SDC1: variants seen among roughly 807,000 people sequenced by gnomAD.
The protein encoded by SDC1 is syndecan-1.
Under a neutral mutation model 29.7 loss-of-function variants are expected in SDC1, and 14 were observed. The ratio of observed to expected loss-of-function variants is 0.47; its 90% confidence interval spans 0.31 to 0.74. The LOEUF (loss-of-function observed/expected upper bound fraction) is 0.74. SDC1 is among the 30% of genes least tolerant of loss of function. The pLI, the probability that SDC1 is intolerant of heterozygous loss-of-function variation, is 0.05. For synonymous variants in SDC1, 204 were observed against 175.5 expected, an observed-to-expected ratio of 1.16 and a Z score of -1.29; for missense variants, 406 against 400.3, an observed-to-expected ratio of 1.01 and a Z score of -0.12.
chr2:20,202,411 T>A lies in SDC1; in HGVS notation c.*355A>T. On this transcript the variant is annotated 3_prime_UTR_variant, in exon 5 of 5. Transcript: ENST00000254351. Reference sequence around the variant, plus strand: ...CCACCCGCAGGATCTTCCAGCCACATGAGGCCATTTAGGTCCAAAGCAGTC... The same window carrying A: ...CCACCCGCAGGATCTTCCAGCCACAAGAGGCCATTTAGGTCCAAAGCAGTC... 1 of 670,716 alleles carries A rather than the reference T, an allele frequency of 1.5e-6. No individual in the cohort carries two copies. The highest frequency in any genetic ancestry group is 2.7e-6 in the Non-Finnish European group (1 of 367,510). The allele number at this position is 670,716 out of a possible 1,614,324, so 41.5% of individuals were successfully genotyped here.
At chr2:20,205,934 T>C (rs987394496) in intron 1 of SDC1, among the ~76,000 whole-genome samples, 3 of 152,074 alleles carry the variant, frequency 2.0e-5, no homozygotes, top group Non-Finnish European at 2.9e-5. Flanking sequence ...CCTCCAGGCA[T>C]GCTGGCCCCC....
Position 20,224,775 on chromosome 2 carries a change from C to T in SDC1, c.66+27G>A. 1 of 1,304,274 alleles carries T rather than the reference C, an allele frequency of 7.7e-7. No homozygotes were observed. Among genetic ancestry groups the T allele is most frequent in the Non-Finnish European group, 9.7e-7 (1 of 1,025,768 alleles). 80.8% of individuals were successfully genotyped at this position (1,304,274 alleles called of 1,614,324 possible). ...GACCAGTCCCGGCTTCCCGCCGCCTCCCCGCCTGGCCGCCGGCCGCACTCA... is the reference window on the plus strand; with the variant it reads ...GACCAGTCCCGGCTTCCCGCCGCCTTCCCGCCTGGCCGCCGGCCGCACTCA... On this transcript the variant is annotated intron_variant, in intron 1 of 4. Transcript: ENST00000254351. The surrounding 1 kb of genome is among the most constrained non-coding windows in gnomAD (Gnocchi z 4.9).
At chr2:20,223,878 C>T (rs1677903601) in intron 1 of SDC1, among the ~76,000 whole-genome samples, 1 of 152,190 alleles carries the variant, frequency 6.6e-6, no homozygotes. Context: ...AAGGTGGATG[C>T]TGCATCCCAC....
intron 1 of SDC1, among the ~76,000 whole-genome samples, chr2:20,208,947 C>T (rs1677373531): frequency 6.6e-6 from 1 of 152,238 alleles, no homozygotes; most frequent in Non-Finnish European, 1.5e-5. Context: ...CCTTCCCCAC[C>T]CACAGCGCAG....
At chr2:20,205,640 G>A (rs1206244147) in intron 1 of SDC1, among the ~76,000 whole-genome samples, 1 of 152,176 alleles carries the variant, frequency 6.6e-6, no homozygotes, top group Non-Finnish European at 1.5e-5. Context: ...CTGGTACTGG[G>A]TGCAGGGCTG....
At chr2:20,203,750 T>A (rs1677130195) in intron 3 of SDC1, 63 bp downstream of exon 3, 2 of 1,227,484 alleles carry the variant, frequency 1.6e-6, no homozygotes, top group Non-Finnish European at 2.3e-6. Flanking sequence ...GTGTAGGGCC[T>A]GCCAAGTGCC....
chr2:20,209,911 G>A (rs549591203), intron 1 of SDC1, among the ~76,000 whole-genome samples: 2 of 152,378 alleles, frequency 1.3e-5, no homozygotes, highest in East Asian at 3.9e-4. Flanking sequence ...GCTAACCCGA[G>A]AGGTTGCCCA....
chr2:20,202,632 A>G lies in SDC1; in HGVS notation c.*134T>C, dbSNP rs1677057286. ...CAGCACACCCCACGACTCCGTGGGCAGGAGCGACCAGAGGGGCTGGAATGC... is the reference window on the plus strand; with the variant it reads ...CAGCACACCCCACGACTCCGTGGGCGGGAGCGACCAGAGGGGCTGGAATGC... On this transcript the variant is annotated 3_prime_UTR_variant, in exon 5 of 5. Coordinates refer to ENST00000254351, the MANE Select transcript of SDC1 (RefSeq NM_002997.5). 5 of 854,526 alleles carry G rather than the reference A, an allele frequency of 5.9e-6. No homozygotes were observed. The Admixed American group carries it at 1.2e-4, about 20-fold the overall frequency. The allele number at this position is 854,526 out of a possible 1,614,324, so 52.9% of individuals were successfully genotyped here. A position where few individuals can be genotyped will look rare whatever the true frequency, so the allele number is the denominator to read the frequency against.
intron 1 of SDC1, among the ~76,000 whole-genome samples, chr2:20,223,623 G>A (rs1677893209): frequency 6.6e-6 from 1 of 152,190 alleles, no homozygotes; most frequent in Admixed American, 6.5e-5. Flanking sequence ...GGCGAACTCG[G>A]GCGGCAGACT....
At chr2:20,211,952 C>G (rs1334624896) in intron 1 of SDC1, among the ~76,000 whole-genome samples, 1 of 152,244 alleles carries the variant, frequency 6.6e-6, no homozygotes, top group Non-Finnish European at 1.5e-5. Context: ...GAGCAAGGGT[C>G]TCTGGGAAAG....
intron 1 of SDC1, among the ~76,000 whole-genome samples, chr2:20,206,020 C>G: frequency 6.6e-6 from 1 of 152,234 alleles, no homozygotes; most frequent in East Asian, 1.9e-4. Flanking sequence ...TGAGGCAGGT[C>G]TGCCCACACA....
intron 1 of SDC1, among the ~76,000 whole-genome samples, chr2:20,214,190 G>A (rs1481015944): frequency 6.6e-6 from 1 of 152,206 alleles, no homozygotes; most frequent in African/African-American, 2.4e-5. Flanking sequence ...ACCCAGGAAA[G>A]GAGGAAGAAA....
intron 1 of SDC1, among the ~76,000 whole-genome samples, chr2:20,214,587 C>T (rs1677574902): frequency 1.3e-5 from 2 of 152,216 alleles, no homozygotes; most frequent in South Asian, 4.1e-4. Flanking sequence ...CTAGCCCTCT[C>T]AGCCTCTGCA....
In SDC1 at chr2:20,203,926, G is replaced by T; in HGVS notation, c.514C>A (p.Gln172Lys). The T allele has an allele frequency of 1.2e-6, 2 of 1,614,036 alleles. No individual in the cohort carries two copies. Among genetic ancestry groups the T allele is most frequent in the South Asian group, 1.1e-5 (1 of 91,070 alleles). ...HETSTPAGPS[Q>K]ADLHTPHTED... Reference sequence around the variant, plus strand: ...GTGTGGGGAGTGTGAAGGTCAGCTTGGCTGGGTCCTGCAGGGGTTGAGGTC... The same window carrying T: ...GTGTGGGGAGTGTGAAGGTCAGCTTTGCTGGGTCCTGCAGGGGTTGAGGTC... Residue 172 changes from glutamine to lysine, a missense_variant, in exon 3 of 5, where the codon CAA becomes AAA. Physicochemically the swap from Gln to Lys is moderately conservative, Grantham distance 53. Coordinates refer to ENST00000254351, the MANE Select transcript of SDC1 (RefSeq NM_002997.5).
intron 1 of SDC1, among the ~76,000 whole-genome samples, chr2:20,220,856 C>T (rs780648031): frequency 6.6e-6 from 1 of 152,208 alleles, no homozygotes; most frequent in Non-Finnish European, 1.5e-5. Context: ...AAATCCAAAT[C>T]AAACATGTGG....
intron 1 of SDC1, chr2:20,223,277 C>A (rs765992320): frequency 1.5e-6 from 2 of 1,298,808 alleles, no homozygotes. Context: ...ATGAGACAGA[C>A]TCTGTAAAGA....
chr2:20,207,838 G>T, intron 1 of SDC1: 1 of 580,516 alleles, frequency 1.7e-6, no homozygotes, highest in Non-Finnish European at 2.2e-6. Context: ...CTCTGAAGCT[G>T]CCCTGGCCTC....
chr2:20,206,250 TG>T lies in SDC1; in HGVS notation c.67-827del, dbSNP rs146374132. The stretch of plus-strand genomic sequence containing the variant: ...GCTGTGGGCCTGGGACGGGCCCTGC[TG>T]GCAAACAGCAGTCCCAGGAATGCTG... On this transcript the variant is annotated intron_variant, in intron 1 of 4. Coordinates refer to ENST00000254351, the MANE Select transcript of SDC1 (RefSeq NM_002997.5). Among the ~76,000 whole-genome samples the T allele has an allele frequency of 8.7e-3, 1,324 of 152,328 alleles. 18 individuals carry two copies. The highest frequency in any genetic ancestry group is 0.027 in the African/African-American group (1,131 of 41,582).
intron 1 of SDC1, among the ~76,000 whole-genome samples, chr2:20,211,446 C>T (rs566493007): frequency 3.3e-5 from 5 of 152,288 alleles, no homozygotes; most frequent in East Asian, 1.9e-4. Context: ...TCTACATTTC[C>T]GACACGTCCA....
Sources: allele counts gnomAD v4.1 joint callset (sites outside exome capture counted in the v4.1 genomes callset), GRCh38; gene constraint gnomAD v4.1.1; non-coding constraint Gnocchi (gnomAD v3.1); transcripts MANE v1.5; gene names NCBI Gene and HGNC (gene_info 2026-07-23, HGNC 2026-07-21).